OSBPL5: variants seen among roughly 807,000 people sequenced by gnomAD.
The protein encoded by OSBPL5 is oxysterol-binding protein-related protein 5.
A neutral mutation model predicts 111.2 loss-of-function variants in OSBPL5; 71 were observed. That is an observed-to-expected ratio of 0.64 (90% CI 0.53 to 0.78). The LOEUF (loss-of-function observed/expected upper bound fraction) is 0.78. Ranked by LOEUF, OSBPL5 falls within the 30% of genes least tolerant of loss-of-function variation. The pLI, the probability that OSBPL5 is intolerant of heterozygous loss-of-function variation, is 0.00. For synonymous variants in OSBPL5, 549 were observed against 513.9 expected (o/e 1.07, Z -0.93); for missense variants, 1,210 against 1,189.3 (o/e 1.02, Z -0.26).
At position 3,142,579 on chromosome 11, in the gene OSBPL5, C is replaced by T. The variant is rs1846160275; in HGVS notation, c.-21-13410G>A. On this transcript the variant is annotated intron_variant, in intron 1 of 21. Coordinates refer to ENST00000263650, the MANE Select transcript of OSBPL5 (RefSeq NM_020896.4). This position sits in a 1 kb window ranked among gnomAD's most constrained non-coding sequence, Gnocchi z 7.1. ...AACAGGAAAATGAAATGAATGACTC[C>T]ATCCTACAGGTCTGAGAGTCACCGT... is the stretch of plus-strand genomic sequence containing the variant. 6.6e-6 allele frequency among the ~76,000 whole-genome samples: 1 copy of T among 152,198 alleles called. No homozygotes were observed. The highest frequency in any genetic ancestry group is 2.4e-5 in the African/African-American group (1 of 41,450).
At chr11:3,147,524 C>T (rs970477251) in intron 1 of OSBPL5, among the ~76,000 whole-genome samples, 12 of 152,256 alleles carry the variant, frequency 7.9e-5, no homozygotes, top group Non-Finnish European at 1.6e-4. Context: ...CCAGCTGGGA[C>T]GGAGCAACGC....
chr11:3,156,985 C>A (rs1215721261), intron 1 of OSBPL5, among the ~76,000 whole-genome samples: 1 of 152,262 alleles, frequency 6.6e-6, no homozygotes. Context: ...AAGCACTGCA[C>A]CCCGTCCACA....
At chr11:3,119,366 C>G (rs1317599036) in intron 7 of OSBPL5, among the ~76,000 whole-genome samples, 181 bp downstream of exon 7, 2 of 152,212 alleles carry the variant, frequency 1.3e-5, no homozygotes, top group Non-Finnish European at 2.9e-5. Flanking sequence ...TGAGGCTAGG[C>G]ATGGGGGCTC....
Position 3,107,683 on chromosome 11 carries a change from A to C in OSBPL5, c.866+88T>G. On this transcript the variant is annotated intron_variant, in intron 8 of 21. Coordinates refer to ENST00000263650, the MANE Select transcript of OSBPL5 (RefSeq NM_020896.4). This position sits in a 1 kb window ranked among gnomAD's most constrained non-coding sequence, Gnocchi z 6.1. ...CGTGCAGCCTGCAGCCCACCAGAGC[A>C]GTGGCTGGGGCTGTCCTCTCCCCTC... 6.6e-7 allele frequency: 1 copy of C among 1,523,006 alleles called. No homozygotes were observed. Among genetic ancestry groups the C allele is most frequent in the Non-Finnish European group, 8.9e-7 (1 of 1,119,570 alleles). 94.3% of individuals were successfully genotyped at this position (1,523,006 alleles called of 1,614,324 possible). A position where few individuals can be genotyped will look rare whatever the true frequency, so the allele number is the denominator to read the frequency against.
At chr11:3,134,720 G>A (rs1845904389) in intron 1 of OSBPL5, among the ~76,000 whole-genome samples, 1 of 152,232 alleles carries the variant, frequency 6.6e-6, no homozygotes, top group African/African-American at 2.4e-5. Context: ...CTGCCATGTG[G>A]CGGGATGGGC....
chr11:3,147,726 A>G (rs1343233149), intron 1 of OSBPL5, among the ~76,000 whole-genome samples: 1 of 152,232 alleles, frequency 6.6e-6, no homozygotes, highest in Non-Finnish European at 1.5e-5. Context: ...GAGCGTGTCC[A>G]GGGACGCGTG....
intron 6 of OSBPL5, 147 bp from the exon 7 acceptor site, chr11:3,119,778 G>GCC: frequency 3.1e-6 from 2 of 649,360 alleles, no homozygotes; most frequent in Non-Finnish European, 5.0e-6. Flanking sequence ...CAGGCACCTG[G>GCC]CCAGGTAGAC....
Position 3,126,669 on chromosome 11 carries a change from A to G in OSBPL5, c.137-114T>C. The G allele has an allele frequency of 1.2e-6, 1 of 828,154 alleles. No individual in the cohort carries two copies. The highest frequency in any genetic ancestry group is 1.8e-6 in the Non-Finnish European group (1 of 545,404). 51.3% of individuals were successfully genotyped at this position (828,154 alleles called of 1,614,324 possible). A position where few individuals can be genotyped will look rare whatever the true frequency, so the allele number is the denominator to read the frequency against. On this transcript the variant is annotated intron_variant, in intron 2 of 21. Transcript: ENST00000263650. The surrounding 1 kb of genome is among the most constrained non-coding windows in gnomAD (Gnocchi z 6.5). ...TGGGTGCGGATGACCTGGGAGGGGC[A>G]GGAAGTCAGCCGGAGGTGGTGGCAG...
At chr11:3,112,296 G>A (rs1386009509) in intron 7 of OSBPL5, among the ~76,000 whole-genome samples, 1 of 152,062 alleles carries the variant, frequency 6.6e-6, no homozygotes, top group Admixed American at 6.6e-5. Context: ...TGCCGCATGG[G>A]GGACCTAAAA....
At chr11:3,119,883 T>C (rs1337101938) in intron 6 of OSBPL5, 4 of 508,150 alleles carry the variant, frequency 7.9e-6, no homozygotes, top group Non-Finnish European at 1.4e-5. Context: ...GCCTCCTGAC[T>C]TGGGCTGTCC....
chr11:3,144,787 C>T (rs1409628981), intron 1 of OSBPL5, among the ~76,000 whole-genome samples: 1 of 152,276 alleles, frequency 6.6e-6, no homozygotes, highest in Non-Finnish European at 1.5e-5. Flanking sequence ...GGCAGCCACC[C>T]TGGCGGGAGG....
At chr11:3,120,133 C>T (rs562191277) in intron 6 of OSBPL5, 56 of 540,192 alleles carry the variant, frequency 1.0e-4, no homozygotes, top group Admixed American at 3.8e-4. Flanking sequence ...CGCTGTTCCT[C>T]GGCCACCCCT....
chr11:3,109,685 C>T lies in OSBPL5; in HGVS notation c.692-1740G>A, dbSNP rs924507336. ...ACTGCAGGCTTGGTTGGTGCCAGAG[C>T]GGCCAAGCCTGGGCGGAACACCAGG... On this transcript the variant is annotated intron_variant, in intron 7 of 21. Transcript: ENST00000263650. This position sits in a 1 kb window ranked among gnomAD's most constrained non-coding sequence, Gnocchi z 7.4. 6.6e-6 allele frequency among the ~76,000 whole-genome samples: 1 copy of T among 151,910 alleles called. No homozygotes were observed. Among genetic ancestry groups the T allele is most frequent in the Non-Finnish European group, 1.5e-5 (1 of 67,986 alleles).
At chr11:3,096,500 TGCTA>T (rs1184122673) in intron 14 of OSBPL5, among the ~76,000 whole-genome samples, 1 of 151,890 alleles carries the variant, frequency 6.6e-6, no homozygotes, top group Non-Finnish European at 1.5e-5. Context: ...ACGCATGTAA[TGCTA>T]GCTACTCGGG....
intron 10 of OSBPL5, among the ~76,000 whole-genome samples, 173 bp from the exon 11 acceptor site, chr11:3,103,493 G>C (rs995897206): frequency 1.4e-4 from 21 of 152,206 alleles, no homozygotes; most frequent in African/African-American, 5.1e-4. Context: ...TGGGGAAGTG[G>C]GTTCTTCTAA....
At position 3,092,813 on chromosome 11, in the gene OSBPL5, C is replaced by A; in HGVS notation, c.2132+54G>T. Reference sequence around the variant, plus strand: ...AGGAGCCCCTGGGCCCTTCTCAGCCCGTCTGCTAGGCCCAGCCCCACCCTG... The same window carrying A: ...AGGAGCCCCTGGGCCCTTCTCAGCCAGTCTGCTAGGCCCAGCCCCACCCTG... On this transcript the variant is annotated intron_variant, in intron 18 of 21. Coordinates refer to ENST00000263650, the MANE Select transcript of OSBPL5 (RefSeq NM_020896.4). This position sits in a 1 kb window ranked among gnomAD's most constrained non-coding sequence, Gnocchi z 5.4. The A allele has an allele frequency of 1.4e-6, 2 of 1,473,462 alleles. No individual in the cohort carries two copies. The highest frequency in any genetic ancestry group is 1.4e-5 in the South Asian group (1 of 73,836). 91.3% of individuals were successfully genotyped at this position (1,473,462 alleles called of 1,614,324 possible). A position where few individuals can be genotyped will look rare whatever the true frequency, so the allele number is the denominator to read the frequency against.
intron 1 of OSBPL5, among the ~76,000 whole-genome samples, chr11:3,160,283 C>T (rs1348441197): frequency 6.6e-6 from 1 of 152,194 alleles, no homozygotes; most frequent in Non-Finnish European, 1.5e-5. Context: ...CCGCCCAGGA[C>T]CAGGAGCTGC....
Position 3,088,313 on chromosome 11 carries a change from T to C in OSBPL5, c.2532A>G (p.Ala844=). ...RHLSAMLSST[A]RAAQAPTPGL... ...CTGGGGTCGGTGCCTGTGCTGCCCG[T>C]GCCGTGGAGCTCAGCATGGCCGAGA... Residue 844 remains alanine, a synonymous_variant, in exon 22 of 22, where the codon GCA becomes GCG. Transcript: ENST00000263650. The C allele has an allele frequency of 6.3e-7, 1 of 1,599,436 alleles. No individual in the cohort carries two copies. The highest frequency in any genetic ancestry group is 8.5e-7 in the Non-Finnish European group (1 of 1,174,140).
In OSBPL5 at chr11:3,113,097, T is replaced by C. The variant is rs568168169; in HGVS notation, c.692-5152A>G. Among the ~76,000 whole-genome samples the C allele has an allele frequency of 4.6e-5, 7 of 152,308 alleles. No individual in the cohort carries two copies. In the South Asian group the frequency reaches 1.5e-3, roughly 32 times the overall value. ...TAATTGATTGGCTTAAGAAAGTAAA[T>C]GCACTTGAATCAAATACTTGATCAG... On this transcript the variant is annotated intron_variant, in intron 7 of 21. Coordinates refer to ENST00000263650, the MANE Select transcript of OSBPL5 (RefSeq NM_020896.4). This position sits in a 1 kb window ranked among gnomAD's most constrained non-coding sequence, Gnocchi z 4.8.
Sources: gnomAD v4.1 joint callset for allele counts (sites outside exome capture counted in the v4.1 genomes callset) on GRCh38, gnomAD v4.1.1 for gene constraint, Gnocchi (gnomAD v3.1) non-coding constraint, MANE v1.5 for transcripts, NCBI Gene and HGNC (gene_info 2026-07-23, HGNC 2026-07-21) for gene names.